The following WSB1 variants were observed in gnomAD, a reference collection of about 807,000 sequenced individuals.
WSB1 encodes WD repeat and SOCS box-containing protein 1.
In WSB1, 23 loss-of-function variants were observed where a neutral mutation model predicts 50.2. That is an observed-to-expected ratio of 0.46 (90% CI 0.33 to 0.65). The LOEUF (loss-of-function observed/expected upper bound fraction) is 0.65, where lower values mean the gene tolerates loss of function less well. WSB1 is among the 30% of genes least tolerant of loss of function. The probability of loss-of-function intolerance (pLI) is 0.02; values close to 1 mark genes in which losing one functional copy is unlikely to be tolerated. For missense variants in WSB1, 492 were observed against 522.3 expected (o/e 0.94, Z 0.56); for synonymous variants, 179 against 172.0 (o/e 1.04, Z -0.32).
At chr17:27,301,159 C>G (rs1161449738) in intron 1 of WSB1, among the ~76,000 whole-genome samples, 2 of 152,206 alleles carry the variant, frequency 1.3e-5, no homozygotes, top group Non-Finnish European at 2.9e-5. Flanking sequence ...CAGGTGTGAG[C>G]AACCACACGC....
At chr17:27,302,254 T>C (rs1053682790) in intron 2 of WSB1, among the ~76,000 whole-genome samples, 47 of 151,750 alleles carry the variant, frequency 3.1e-4, no homozygotes, top group African/African-American at 1.1e-3. Context: ...CTACTGAAAA[T>C]ACAAGAACTA....
At chr17:27,308,192 T>C in intron 5 of WSB1, 1 of 984,022 alleles carries the variant, frequency 1.0e-6, no homozygotes, top group Non-Finnish European at 1.2e-6. Flanking sequence ...AGAAATAATG[T>C]ATTGTGTCTG....
At chr17:27,304,663 G>T (rs1467624558) in intron 3 of WSB1, 117 bp from the exon 4 acceptor site, 7 of 992,838 alleles carry the variant, frequency 7.1e-6, no homozygotes, top group African/African-American at 1.7e-5. Flanking sequence ...AGTGAGCCAA[G>T]ATTACGCCAT....
At chr17:27,298,793 G>A (rs1008447485) in intron 1 of WSB1, among the ~76,000 whole-genome samples, 55 of 152,288 alleles carry the variant, frequency 3.6e-4, no homozygotes, top group African/African-American at 1.1e-3. Flanking sequence ...GAACCCAGGA[G>A]GCGGAGGTTA....
chr17:27,306,669 A>G, intron 4 of WSB1, 113 bp from the exon 5 acceptor site: 1 of 998,394 alleles, frequency 1.0e-6, no homozygotes, highest in Non-Finnish European at 1.5e-6. Flanking sequence ...CTTGTTATAG[A>G]TAAATTGCTT....
chr17:27,310,251 A>G lies in WSB1; in HGVS notation c.998+77A>G, dbSNP rs1305522435. On this transcript the variant is annotated intron_variant, in intron 7 of 8. Coordinates refer to ENST00000262394, the MANE Select transcript of WSB1 (RefSeq NM_015626.10). Reference sequence around the variant, plus strand: ...TAAGCCTTAAAGCCTTTCTGCAGTTAAGAGTTTTAATGTCTCTTCCTCAAC... The same window carrying G: ...TAAGCCTTAAAGCCTTTCTGCAGTTGAGAGTTTTAATGTCTCTTCCTCAAC... 2.9e-6 allele frequency: 4 copies of G among 1,358,682 alleles called. No homozygotes were observed. The Admixed American group carries it at 7.0e-5, about 24-fold the overall frequency. 84.2% of individuals were successfully genotyped at this position (1,358,682 alleles called of 1,614,324 possible).
intron 5 of WSB1, chr17:27,307,734 C>T (rs1372675903): frequency 1.3e-6 from 2 of 1,533,916 alleles, no homozygotes; most frequent in Non-Finnish European, 1.7e-6. Context: ...TCTTGCTTTC[C>T]CTGTCACAGG....
rs146489954 is a variant in WSB1, at chr17:27,303,432, A to G, written c.275A>G (p.Asp92Gly). 29 of 1,614,062 alleles carry G rather than the reference A, an allele frequency of 1.8e-5. No homozygotes were observed. In the African/African-American group the frequency reaches 3.1e-4, roughly 17 times the overall value. ...SSLRLPRQNSDGGQKNKPREH... is the reference protein window; with the variant it reads ...SSLRLPRQNSGGGQKNKPREH... ...TTAAGATTGCCAAGACAAAATAGTG[A>G]TGGTGGTCAGAAAAATAAGCCTCGT... is the stretch of plus-strand genomic sequence containing the variant. Residue 92 changes from aspartate to glycine, a missense_variant, in exon 3 of 9, where the codon GAT becomes GGT. By Grantham distance (94) the Asp-to-Gly change is moderately conservative. Coordinates refer to ENST00000262394, the MANE Select transcript of WSB1 (RefSeq NM_015626.10).
In WSB1 at chr17:27,303,503, G is replaced by A. The variant is rs369959782; in HGVS notation, c.346G>A (p.Gly116Arg). The A allele has an allele frequency of 6.2e-7, 1 of 1,614,122 alleles. No individual in the cohort carries two copies. The highest frequency in any genetic ancestry group is 1.7e-5 in the Admixed American group (1 of 60,010). ...AGATATAGTCTGGAGTCTTGCTTTT[G>A]GGTCATCAGTTCCAGAAAAACAGAG... ...CGDIVWSLAF[G>R]SSVPEKQSRC... The change falls in exon 3 of 9, where the codon GGG becomes AGG. Residue 116 changes from glycine to arginine, a missense_variant. Gly to Arg is a moderately radical substitution (Grantham distance 125). Coordinates refer to ENST00000262394, the MANE Select transcript of WSB1 (RefSeq NM_015626.10).
At chr17:27,295,822 G>A (rs979871796) in intron 1 of WSB1, among the ~76,000 whole-genome samples, 4 of 150,468 alleles carry the variant, frequency 2.7e-5, no homozygotes, top group African/African-American at 9.8e-5. Context: ...AAAACTTTGC[G>A]GTCCTGTTTT....
intron 1 of WSB1, among the ~76,000 whole-genome samples, chr17:27,296,921 C>G (rs1174876184): frequency 6.6e-6 from 1 of 152,142 alleles, no homozygotes; most frequent in Non-Finnish European, 1.5e-5. Context: ...AGTATTTAAT[C>G]TGAGCACTTA....
chr17:27,302,016 G>A (rs1403939788), intron 2 of WSB1, 60 bp downstream of exon 2: 39 of 1,463,304 alleles, frequency 2.7e-5, no homozygotes, highest in Non-Finnish European at 3.5e-5. Flanking sequence ...TTTTCTCTCA[G>A]TGTAGGGTAA....
chr17:27,297,120 C>A (rs1286087159), intron 1 of WSB1: 1 of 151,474 alleles, frequency 6.6e-6, no homozygotes, highest in Non-Finnish European at 1.5e-5. Flanking sequence ...ATTGTCTTTG[C>A]TATCTATTTG....
intron 4 of WSB1, among the ~76,000 whole-genome samples, 197 bp from the exon 5 acceptor site, chr17:27,306,585 A>G (rs774108422): frequency 1.3e-5 from 2 of 152,176 alleles, no homozygotes; most frequent in African/African-American, 2.4e-5. Flanking sequence ...GCTGTAGAGC[A>G]CAACATAAAC....
chr17:27,302,644 C>G (rs559118167), intron 2 of WSB1: 2 of 152,200 alleles, frequency 1.3e-5, no homozygotes, highest in Non-Finnish European at 2.9e-5. Flanking sequence ...AGGCTGGTCT[C>G]GAACTCCTGA....
intron 5 of WSB1, chr17:27,307,771 AGGTTATGCT>A: frequency 6.5e-7 from 1 of 1,535,316 alleles, no homozygotes; most frequent in Non-Finnish European, 8.7e-7. Context: ...GGTGTGATTG[AGGTTATGCT>A]GGCACCACTC....
chr17:27,313,774 T>A lies in WSB1; in HGVS notation c.*1405T>A, dbSNP rs562900450. The stretch of plus-strand genomic sequence containing the variant: ...GCAGGACTCAGGCGCTGCTCTAGAA[T>A]TCATTCAGGGCTCCCCGAGTGCAGC... On this transcript the variant is annotated 3_prime_UTR_variant, in exon 9 of 9. Coordinates refer to ENST00000262394, the MANE Select transcript of WSB1 (RefSeq NM_015626.10). 2.0e-5 allele frequency: 3 copies of A among 152,338 alleles called. No individual in the cohort carries two copies. Among genetic ancestry groups the A allele is most frequent in the African/African-American group, 7.2e-5 (3 of 41,584 alleles). The allele number at this position is 152,338 out of a possible 1,614,324, so 9.4% of individuals were successfully genotyped here. A position where few individuals can be genotyped will look rare whatever the true frequency, so the allele number is the denominator to read the frequency against.
At chr17:27,299,568 T>C (rs2017137704) in intron 1 of WSB1, among the ~76,000 whole-genome samples, 1 of 152,206 alleles carries the variant, frequency 6.6e-6, no homozygotes, top group Non-Finnish European at 1.5e-5. Context: ...GCTGTGCTAA[T>C]ATGGGGTGGG....
chr17:27,307,670 G>C, intron 5 of WSB1: 2 of 1,458,614 alleles, frequency 1.4e-6, no homozygotes, highest in Non-Finnish European at 1.8e-6. Context: ...ATCATAAGAA[G>C]AACAAAATTA....
Sources: gnomAD v4.1 joint callset for allele counts (sites outside exome capture counted in the v4.1 genomes callset) on GRCh38, gnomAD v4.1.1 for gene constraint, MANE v1.5 for transcripts, NCBI Gene and HGNC (gene_info 2026-07-23, HGNC 2026-07-21) for gene names.